RABGAP1L: variants seen among roughly 807,000 people sequenced by gnomAD.
RABGAP1L encodes the protein rab GTPase-activating protein 1-like.
RABGAP1L carries 63 observed loss-of-function variants against 137.7 expected under a neutral mutation model. The observed-to-expected ratio is 0.46, with a 90% CI of 0.37 to 0.56. The LOEUF (loss-of-function observed/expected upper bound fraction) is 0.56, where lower values mean the gene tolerates loss of function less well. Ranked by LOEUF, RABGAP1L falls within the 20% of genes least tolerant of loss-of-function variation. The probability of loss-of-function intolerance (pLI) is 0.00; values close to 1 mark genes in which losing one functional copy is unlikely to be tolerated. For missense variants in RABGAP1L, 1,095 were observed against 1,244.0 expected (o/e 0.88, Z 1.80); for synonymous variants, 431 against 433.7 (o/e 0.99, Z 0.08).
At chr1:174,965,073 A>G in intron 20 of RABGAP1L, 1 of 982,838 alleles carries the variant, frequency 1.0e-6, no homozygotes, top group Middle Eastern at 2.1e-4. Flanking sequence ...AAAGTTACTA[A>G]CCAAACTTTC....
chr1:174,863,763 T>G (rs1400322541), intron 19 of RABGAP1L, among the ~76,000 whole-genome samples: 2 of 151,568 alleles, frequency 1.3e-5, no homozygotes, highest in Non-Finnish European at 2.9e-5. Context: ...AGGCAGATCA[T>G]GAGGTCAAGA....
At chr1:174,916,122 A>ATT (rs1269750284) in intron 19 of RABGAP1L, among the ~76,000 whole-genome samples, 10 of 132,480 alleles carry the variant, frequency 7.5e-5, no homozygotes, top group African/African-American at 2.5e-4. Context: ...GTCTATGTAC[A>ATT]TTTTTTTTTT....
In RABGAP1L at chr1:174,721,071, T is replaced by G. The variant is rs561472813; in HGVS notation, c.2169+18815T>G. 7.1e-4 allele frequency among the ~76,000 whole-genome samples: 108 copies of G among 152,318 alleles called. 1 individual carries two copies. The highest frequency in any genetic ancestry group is 2.4e-3 in the African/African-American group (100 of 41,566). On this transcript the variant is annotated intron_variant, in intron 17 of 25. Transcript: ENST00000681986. ...AAATATACTCAGGTTTATTTCCTAA[T>G]GACTAGGAAATACTGATTTAACAGT...
At chr1:174,957,680 T>C in intron 20 of RABGAP1L, 131 bp downstream of exon 20, 1 of 946,728 alleles carries the variant, frequency 1.1e-6, no homozygotes, top group East Asian at 2.6e-5. Flanking sequence ...GTCTCCCAAG[T>C]AGCTGGGATT....
At chr1:174,352,757 GAGT>G (rs1343576746) in intron 11 of RABGAP1L, among the ~76,000 whole-genome samples, 1 of 152,172 alleles carries the variant, frequency 6.6e-6, no homozygotes, top group Non-Finnish European at 1.5e-5. Context: ...TGAGTGTTGT[GAGT>G]TAAGTCTTTG....
intron 11 of RABGAP1L, among the ~76,000 whole-genome samples, chr1:174,318,059 C>G (rs186930529): frequency 0.034 from 4,259 of 125,854 alleles, 97 homozygotes; most frequent in Non-Finnish European, 0.052. Context: ...TTTTTTTTTT[C>G]TATCTCTTCA....
At chr1:174,961,322 A>T (rs1171814427) in intron 20 of RABGAP1L, among the ~76,000 whole-genome samples, 1 of 152,240 alleles carries the variant, frequency 6.6e-6, no homozygotes, top group Non-Finnish European at 1.5e-5. Flanking sequence ...AGTATATTTT[A>T]GAAACTAGTA....
At chr1:174,938,608 C>T (rs1252391963) in intron 19 of RABGAP1L, 1 of 152,096 alleles carries the variant, frequency 6.6e-6, no homozygotes. Flanking sequence ...TTTTTCCTTG[C>T]GCTAGTTATA....
At chr1:174,821,386 C>G (rs1331895659) in intron 19 of RABGAP1L, among the ~76,000 whole-genome samples, 3 of 152,168 alleles carry the variant, frequency 2.0e-5, no homozygotes, top group Non-Finnish European at 4.4e-5. Context: ...CTACTTGCCT[C>G]AGAAAATTCT....
chr1:174,384,761 C>T (rs1296606813), intron 12 of RABGAP1L, among the ~76,000 whole-genome samples: 2 of 152,176 alleles, frequency 1.3e-5, no homozygotes, highest in Non-Finnish European at 2.9e-5. Context: ...ACATCTCCTG[C>T]AGTTTCTAGA....
At chr1:174,843,491 T>G (rs1437304484) in intron 19 of RABGAP1L, among the ~76,000 whole-genome samples, 1 of 147,858 alleles carries the variant, frequency 6.8e-6, no homozygotes, top group Non-Finnish European at 1.5e-5. Context: ...GGTTTTTTGT[T>G]CTTGCGATAG....
At chr1:174,695,363 T>C (rs1157663414) in intron 15 of RABGAP1L, among the ~76,000 whole-genome samples, 1 of 152,140 alleles carries the variant, frequency 6.6e-6, no homozygotes, top group African/African-American at 2.4e-5. Flanking sequence ...TCAAGCTCAC[T>C]GATTCTTCTG....
chr1:174,849,666 T>G (rs1465303629), intron 19 of RABGAP1L: 1 of 408,764 alleles, frequency 2.4e-6, no homozygotes, highest in African/African-American at 2.1e-5. Flanking sequence ...TGTTGTGATT[T>G]TCTTCATTTT....
intron 13 of RABGAP1L, among the ~76,000 whole-genome samples, chr1:174,471,808 C>G (rs1174595748): frequency 4.6e-5 from 7 of 152,176 alleles, no homozygotes; most frequent in Non-Finnish European, 2.9e-5. Context: ...GTGTGTCCCC[C>G]TCTCCTGGCG....
intron 19 of RABGAP1L, among the ~76,000 whole-genome samples, chr1:174,849,280 C>T (rs1482940216): frequency 1.3e-5 from 2 of 152,108 alleles, no homozygotes; most frequent in Non-Finnish European, 2.9e-5. Context: ...AAAGCTTTTA[C>T]TTTCACTATC....
intron 19 of RABGAP1L, among the ~76,000 whole-genome samples, chr1:174,818,293 G>C (rs1690649496): frequency 6.6e-6 from 1 of 152,204 alleles, no homozygotes; most frequent in Admixed American, 6.5e-5. Context: ...GAGTATGACT[G>C]TGAACACTAA....
rs199994617 is a variant in RABGAP1L at position 174,962,205 on chromosome 1, C to A, written c.2433+4656C>A. 2.6e-4 allele frequency among the ~76,000 whole-genome samples: 35 copies of A among 136,824 alleles called. 3 individuals carry two copies. The highest frequency in any genetic ancestry group is 5.6e-4 in the African/African-American group (19 of 33,694). 89.8% of individuals were successfully genotyped at this position (136,824 alleles called of 152,430 possible). ...ATAAAAATAAAAATACACCCCCCCCCCACACACACACACAGCTAGTTAATT... is the reference window on the plus strand; with the variant it reads ...ATAAAAATAAAAATACACCCCCCCCACACACACACACACAGCTAGTTAATT... On this transcript the variant is annotated intron_variant, in intron 20 of 25. Transcript: ENST00000681986.
intron 19 of RABGAP1L, among the ~76,000 whole-genome samples, chr1:174,857,755 T>G (rs1240563597): frequency 1.3e-5 from 2 of 152,178 alleles, no homozygotes; most frequent in Non-Finnish European, 2.9e-5. Context: ...TGTCAGTAAC[T>G]GATTTGTGAT....
At chr1:174,849,079 C>G (rs1270318013) in intron 19 of RABGAP1L, among the ~76,000 whole-genome samples, 4 of 152,224 alleles carry the variant, frequency 2.6e-5, no homozygotes, top group Non-Finnish European at 5.9e-5. Context: ...CCTCGCCCTG[C>G]TTCGGCTCGC....
Sources: gnomAD v4.1 joint callset for allele counts (sites outside exome capture counted in the v4.1 genomes callset) on GRCh38, gnomAD v4.1.1 for gene constraint, MANE v1.5 for transcripts, NCBI Gene and HGNC (gene_info 2026-07-23, HGNC 2026-07-21) for gene names.